The following PRIM2 variants were observed in gnomAD, a reference collection of about 807,000 sequenced individuals.
The protein encoded by PRIM2 is DNA primase subunit 2.
In PRIM2, 39 loss-of-function variants were observed where a neutral mutation model predicts 67.3. That is an observed-to-expected ratio of 0.58 (90% CI 0.45 to 0.76). The LOEUF (loss-of-function observed/expected upper bound fraction) is 0.76, where lower values mean the gene tolerates loss of function less well. Ranked by LOEUF, PRIM2 falls within the 30% of genes least tolerant of loss-of-function variation. PRIM2 has a pLI of 0.00. For synonymous variants in PRIM2, 143 were observed against 198.7 expected, an observed-to-expected ratio of 0.72 and a Z score of 2.36; for missense variants, 398 against 598.7, an observed-to-expected ratio of 0.66 and a Z score of 3.50.
chr6:57,642,435 C>CTTTTTTTTTTTTTTTTTTT lies in PRIM2; in HGVS notation c.1300-3486_1300-3468dup, dbSNP rs1156576933. Among the ~76,000 whole-genome samples, 15 of 83,180 alleles carry CTTTTTTTTTTTTTTTTTTT rather than the reference C, an allele frequency of 1.8e-4. 1 individual carries two copies. The highest frequency in any genetic ancestry group is 2.7e-4 in the Non-Finnish European group (13 of 47,410). The allele number at this position is 83,180 out of a possible 152,430, so 54.6% of individuals were successfully genotyped here. A position where few individuals can be genotyped will look rare whatever the true frequency, so the allele number is the denominator to read the frequency against. ...TATGCACATACCTTAAATATTATATCTTTTTTTTTTTTTTTTTTTTTTTTT... is the reference window on the plus strand; with the variant it reads ...TATGCACATACCTTAAATATTATATCTTTTTTTTTTTTTTTTTTTTTTTTTTTTTTTTTTTTTTTTTTTT... On this transcript the variant is annotated intron_variant, in intron 13 of 13. Transcript: ENST00000615550.
rs1325982599 is a variant in PRIM2, at chr6:57,320,520, A to G, written c.218A>G (p.Lys73Arg). The G allele has an allele frequency of 6.2e-7, 1 of 1,610,336 alleles. No individual in the cohort carries two copies. Among genetic ancestry groups the G allele is most frequent in the Non-Finnish European group, 8.5e-7 (1 of 1,179,070 alleles). ...YVKGTEQYQS[K>R]LESELRKLKF... ...AAAGGAACTGAACAATACCAGAGTA[A>G]GTTGGAGAGTGAGCTTCGGAAGCTC... The change falls in exon 3 of 14, where the codon AAG becomes AGG. Residue 73 changes from lysine (K) to arginine (R), a missense_variant. Transcript: ENST00000615550.
chr6:57,316,461 T>C (rs1273731940), upstream of PRIM2, among the ~76,000 whole-genome samples: 20 of 152,190 alleles, frequency 1.3e-4, no homozygotes, highest in Non-Finnish European at 1.5e-5. Flanking sequence ...GTGGTTATGA[T>C]AATAAAATGA....
chr6:57,229,712 G>A, the PRIM2 span, among the ~76,000 whole-genome samples: 1 of 152,220 alleles, frequency 6.6e-6, no homozygotes, highest in East Asian at 1.9e-4. Flanking sequence ...GGCTGATCTC[G>A]AATACCTGAC....
intron 9 of PRIM2, among the ~76,000 whole-genome samples, chr6:57,536,854 T>TG (rs1291619450): frequency 1.3e-5 from 2 of 152,100 alleles, no homozygotes; most frequent in African/African-American, 4.8e-5. Context: ...AAAAGATAGA[T>TG]GGGGGTGGTT....
At chr6:57,353,620 G>A (rs1768927812) in intron 5 of PRIM2, among the ~76,000 whole-genome samples, 2 of 152,184 alleles carry the variant, frequency 1.3e-5, no homozygotes, top group Non-Finnish European at 2.9e-5. Flanking sequence ...AGGGAAAAGA[G>A]ATGATTTATT....
rs1581846684 is a variant in PRIM2, at chr6:57,381,287, C to T, written c.556-744C>T. On this transcript the variant is annotated intron_variant, in intron 6 of 13. Transcript: ENST00000615550. ...TGTATGCATTTATATTTAATTCTTC[C>T]TTAAAACTTGAATGAATAGGCAATT... Among the ~76,000 whole-genome samples, 7 of 152,258 alleles carry T rather than the reference C, an allele frequency of 4.6e-5. No individual in the cohort carries two copies. The South Asian group carries it at 1.5e-3, about 32-fold the overall frequency.
chr6:57,365,163 G>T (rs2127317075), intron 5 of PRIM2, among the ~76,000 whole-genome samples: 1 of 149,158 alleles, frequency 6.7e-6, no homozygotes, highest in South Asian at 2.2e-4. Context: ...AATTAATAGA[G>T]AAGTATTATT....
At chr6:57,375,135 G>A (rs1370725958) in intron 5 of PRIM2, among the ~76,000 whole-genome samples, 6 of 152,364 alleles carry the variant, frequency 3.9e-5, no homozygotes, top group African/African-American at 1.2e-4. Context: ...GGGCAAGCTT[G>A]TCTTGTGCGG....
At chr6:57,458,791 T>G (rs2127395593) in intron 7 of PRIM2, among the ~76,000 whole-genome samples, 1 of 152,346 alleles carries the variant, frequency 6.6e-6, no homozygotes, top group Admixed American at 6.5e-5. Flanking sequence ...ATTCACTTCA[T>G]TTTTGTTTCC....
chr6:57,329,938 G>A (rs868798330), intron 5 of PRIM2, among the ~76,000 whole-genome samples: 1 of 152,176 alleles, frequency 6.6e-6, no homozygotes, highest in African/African-American at 2.4e-5. Context: ...AAATTGAGAA[G>A]TATGAGTTCT....
At chr6:57,389,933 T>C (rs1770274085) in intron 7 of PRIM2, among the ~76,000 whole-genome samples, 1 of 152,156 alleles carries the variant, frequency 6.6e-6, no homozygotes, top group Non-Finnish European at 1.5e-5. Flanking sequence ...AATATACTGA[T>C]CATTTAATGC....
chr6:57,445,913 C>T lies in PRIM2; in HGVS notation c.694-61474C>T, dbSNP rs1441935225. Reference sequence around the variant, plus strand: ...AGTCTTTGTCCACTAGAAGGAAGAACATTGTTCTCCCAGCAGCCTGACACA... The same window carrying T: ...AGTCTTTGTCCACTAGAAGGAAGAATATTGTTCTCCCAGCAGCCTGACACA... On this transcript the variant is annotated intron_variant, in intron 7 of 13. Transcript: ENST00000615550. 2.6e-5 allele frequency among the ~76,000 whole-genome samples: 4 copies of T among 152,268 alleles called. No homozygotes were observed. In the East Asian group the frequency reaches 7.7e-4, roughly 29 times the overall value.
At chr6:57,322,658 A>G (rs548910595) in intron 3 of PRIM2, among the ~76,000 whole-genome samples, 3 of 152,166 alleles carry the variant, frequency 2.0e-5, no homozygotes, top group African/African-American at 7.2e-5. Flanking sequence ...AGTCAGTTAA[A>G]CCTCTTTCCT....
chr6:57,334,458 T>C (rs1374285874), intron 5 of PRIM2, among the ~76,000 whole-genome samples: 1 of 152,214 alleles, frequency 6.6e-6, no homozygotes, highest in Admixed American at 6.5e-5. Flanking sequence ...ATGGTGGTTC[T>C]ATTTTTAATT....
intron 5 of PRIM2, among the ~76,000 whole-genome samples, chr6:57,342,069 G>C (rs920966881): frequency 1.3e-5 from 2 of 152,106 alleles, no homozygotes; most frequent in African/African-American, 4.8e-5. Flanking sequence ...TGTGTCCTTC[G>C]ATGGAGAAAT....
At chr6:57,495,449 G>A (rs1773981862) in intron 7 of PRIM2, among the ~76,000 whole-genome samples, 1 of 152,212 alleles carries the variant, frequency 6.6e-6, no homozygotes, top group Non-Finnish European at 1.5e-5. Flanking sequence ...AGGAAAAGTA[G>A]CTGAAGTACT....
chr6:57,225,212 T>C, the PRIM2 span, among the ~76,000 whole-genome samples: 1 of 152,250 alleles, frequency 6.6e-6, no homozygotes, highest in Non-Finnish European at 1.5e-5. Context: ...CCCATGTGCA[T>C]ATGAAATAAA....
chr6:57,580,449 G>A (rs1241264364), intron 10 of PRIM2, among the ~76,000 whole-genome samples: 1 of 152,160 alleles, frequency 6.6e-6, no homozygotes, highest in Non-Finnish European at 1.5e-5. Context: ...GTATGACATG[G>A]GAACCTTCAT....
chr6:57,510,696 T>G (rs1431740680), intron 8 of PRIM2, among the ~76,000 whole-genome samples: 3 of 152,202 alleles, frequency 2.0e-5, no homozygotes, highest in Non-Finnish European at 4.4e-5. Context: ...GTCAGAGACA[T>G]GTATATGTCG....
Sources: allele counts gnomAD v4.1 joint callset (sites outside exome capture counted in the v4.1 genomes callset), GRCh38; gene constraint gnomAD v4.1.1; transcripts MANE v1.5; gene names NCBI Gene and HGNC (gene_info 2026-07-23, HGNC 2026-07-21).